PLPP4: variants seen among roughly 807,000 people sequenced by gnomAD.
PLPP4 encodes the protein diacylglycerol pyrophosphate like 2.
PLPP4 carries 20 observed loss-of-function variants against 32.2 expected under a neutral mutation model. The observed-to-expected ratio is 0.62, with a 90% confidence interval of 0.44 to 0.90. PLPP4 has a LOEUF of 0.90. PLPP4 is among the 40% of genes least tolerant of loss of function. PLPP4 has a pLI of 0.00. For missense variants in PLPP4, 257 were observed against 353.1 expected (o/e 0.73, Z 2.18); for synonymous variants, 127 against 133.0 (o/e 0.95, Z 0.31).
chr10:120,495,847 G>T (rs949399847), intron 1 of PLPP4, among the ~76,000 whole-genome samples: 2 of 152,188 alleles, frequency 1.3e-5, no homozygotes, highest in Non-Finnish European at 2.9e-5. Flanking sequence ...AACAGCCACT[G>T]TTTGTGGAGG....
chr10:120,463,310 G>T (rs1044620959), intron 1 of PLPP4, among the ~76,000 whole-genome samples: 2 of 152,156 alleles, frequency 1.3e-5, no homozygotes, highest in African/African-American at 4.8e-5. Context: ...ACAGGCGTGA[G>T]CCACCGTGCC....
chr10:120,488,723 C>T (rs1269676546), intron 1 of PLPP4, among the ~76,000 whole-genome samples: 6 of 152,232 alleles, frequency 3.9e-5, no homozygotes, highest in Non-Finnish European at 8.8e-5. Context: ...CCACCACATA[C>T]CGAGTCAAGC....
At position 120,589,557 on chromosome 10, in the gene PLPP4, T is replaced by C. The variant is rs1233402374; in HGVS notation, c.*55T>C. 5 of 1,354,468 alleles carry C rather than the reference T, an allele frequency of 3.7e-6. No individual in the cohort carries two copies. In the African/African-American group the frequency reaches 7.2e-5, roughly 19 times the overall value. The allele number at this position is 1,354,468 out of a possible 1,614,324, so 83.9% of individuals were successfully genotyped here. The stretch of plus-strand genomic sequence containing the variant: ...CCTGGGCACATCTGCCACCCTGACA[T>C]CATAACACAATAGAAATGGTTTTCT... On this transcript the variant is annotated 3_prime_UTR_variant, in exon 7 of 7. Transcript: ENST00000398250.
At chr10:120,461,681 C>G (rs1848056020) in intron 1 of PLPP4, among the ~76,000 whole-genome samples, 1 of 152,220 alleles carries the variant, frequency 6.6e-6, no homozygotes, top group Admixed American at 6.5e-5. Flanking sequence ...CCCCCAGTAC[C>G]TTACAGTCCA....
chr10:120,568,421 T>G (rs1311619814), intron 5 of PLPP4, among the ~76,000 whole-genome samples: 1 of 152,190 alleles, frequency 6.6e-6, no homozygotes, highest in African/African-American at 2.4e-5. Flanking sequence ...AGCAAGGCAG[T>G]AACAATCATT....
At chr10:120,582,468 C>A (rs1289830678) in intron 6 of PLPP4, among the ~76,000 whole-genome samples, 1 of 152,158 alleles carries the variant, frequency 6.6e-6, no homozygotes, top group Non-Finnish European at 1.5e-5. Context: ...TTAGGGCCCA[C>A]CCTGATTATC....
At chr10:120,575,092 C>T in intron 5 of PLPP4, 39 bp from the exon 6 acceptor site, 1 of 1,591,940 alleles carries the variant, frequency 6.3e-7, no homozygotes, top group Admixed American at 1.7e-5. Flanking sequence ...CTGCCACTCA[C>T]CACCTGCTAG....
intron 1 of PLPP4, among the ~76,000 whole-genome samples, chr10:120,474,805 C>T (rs1484673170): frequency 6.6e-6 from 1 of 152,134 alleles, no homozygotes; most frequent in African/African-American, 2.4e-5. Context: ...ATATGCCAGG[C>T]AGAGGCATAG....
chr10:120,571,131 T>TGTGTGTGTGG (rs60861843), intron 5 of PLPP4, among the ~76,000 whole-genome samples: 1 of 142,050 alleles, frequency 7.0e-6, no homozygotes, highest in African/African-American at 2.6e-5. Context: ...TGTGTGTGTG[T>TGTGTGTGTGG]GGTCTGTGTG....
intron 5 of PLPP4, among the ~76,000 whole-genome samples, chr10:120,538,102 A>G (rs1847150958): frequency 9.1e-6 from 1 of 109,922 alleles, no homozygotes; most frequent in African/African-American, 3.7e-5. Context: ...ATTCATATCT[A>G]GTATGCATTT....
intron 5 of PLPP4, among the ~76,000 whole-genome samples, chr10:120,574,168 ACTCTCTCTCT>A (rs58917160): frequency 0.021 from 972 of 46,702 alleles, 5 homozygotes; most frequent in South Asian, 0.052. Context: ...ACACACACAC[ACTCTCTCTCT>A]CTCTCTCTCT....
intron 1 of PLPP4, among the ~76,000 whole-genome samples, chr10:120,497,769 G>A (rs570101521): frequency 6.0e-4 from 91 of 152,198 alleles, no homozygotes; most frequent in Non-Finnish European, 1.1e-3. Flanking sequence ...GGCCAGGGGC[G>A]GCGGCTCACA....
chr10:120,467,175 T>C (rs542486935), intron 1 of PLPP4, among the ~76,000 whole-genome samples: 5 of 106,946 alleles, frequency 4.7e-5, no homozygotes, highest in African/African-American at 1.4e-4. Context: ...GCCTCCCAGG[T>C]TCACGCCATT....
At chr10:120,573,212 A>G (rs537426447) in intron 5 of PLPP4, among the ~76,000 whole-genome samples, 61 of 152,356 alleles carry the variant, frequency 4.0e-4, no homozygotes, top group African/African-American at 1.3e-3. Flanking sequence ...AAGTGTTTCA[A>G]TGCACACACC....
At chr10:120,483,224 C>T (rs1042861945) in intron 1 of PLPP4, among the ~76,000 whole-genome samples, 9 of 152,178 alleles carry the variant, frequency 5.9e-5, no homozygotes, top group African/African-American at 2.2e-4. Context: ...AAGGCTGCCT[C>T]TCGGCTTCCT....
At chr10:120,545,960 C>G (rs1032825662) in intron 5 of PLPP4, among the ~76,000 whole-genome samples, 9 of 152,240 alleles carry the variant, frequency 5.9e-5, no homozygotes, top group African/African-American at 2.2e-4. Flanking sequence ...GTCTTCCAGC[C>G]TTTATCTTTC....
chr10:120,548,194 C>T (rs76083079), intron 5 of PLPP4, among the ~76,000 whole-genome samples: 1 of 152,090 alleles, frequency 6.6e-6, no homozygotes, highest in African/African-American at 2.4e-5. Flanking sequence ...AAGCATAGTA[C>T]TCAATAGGTG....
chr10:120,521,064 C>T lies in PLPP4; in HGVS notation c.414C>T (p.Gly138=). 6.2e-7 allele frequency: 1 copy of T among 1,614,098 alleles called. No homozygotes were observed. Residue 138 remains glycine, a synonymous_variant, in exon 5 of 7, where the codon GGC becomes GGT. Coordinates refer to ENST00000398250, the MANE Select transcript of PLPP4 (RefSeq NM_001030059.3). ...CTGDPDLVSE[G]RKSFPSIHSS... is the part of the protein sequence containing the mutation. ...GTGACCCCGATCTGGTGTCCGAGGG[C>T]CGCAAAAGCTTCCCCAGCATCCATT...
At chr10:120,481,034 G>T (rs1196986964) in intron 1 of PLPP4, among the ~76,000 whole-genome samples, 2 of 152,212 alleles carry the variant, frequency 1.3e-5, no homozygotes, top group African/African-American at 2.4e-5. Flanking sequence ...GACTCCTGGT[G>T]GGCAGGGCCT....
Sources: gnomAD v4.1 joint callset for allele counts (sites outside exome capture counted in the v4.1 genomes callset) on GRCh38, gnomAD v4.1.1 for gene constraint, MANE v1.5 for transcripts, NCBI Gene and HGNC (gene_info 2026-07-23, HGNC 2026-07-21) for gene names.